The following ADGRE2 variants were observed in gnomAD, a reference collection of about 807,000 sequenced individuals.
The protein encoded by ADGRE2 is CD97 antigen.
Under a neutral mutation model 100.8 loss-of-function variants are expected in ADGRE2, and 83 were observed. That is an observed-to-expected ratio of 0.82 (90% CI 0.69 to 0.99). ADGRE2 has a LOEUF of 0.99. Among genes scored for constraint, ADGRE2 ranks in the 50% least tolerant of loss-of-function variants. The pLI, the probability that ADGRE2 is intolerant of heterozygous loss-of-function variation, is 0.00. For synonymous variants in ADGRE2, 355 were observed against 413.0 expected, an observed-to-expected ratio of 0.86 and a Z score of 1.70; for missense variants, 814 against 1,035.7, an observed-to-expected ratio of 0.79 and a Z score of 2.94.
At chr19:14,751,941 T>A (rs201032610) in intron 15 of ADGRE2, among the ~76,000 whole-genome samples, 159 of 50,368 alleles carry the variant, frequency 3.2e-3, no homozygotes, top group Non-Finnish European at 4.7e-3. Flanking sequence ...ATTTTTTTTT[T>A]TTTTTTTTTG....
rs1182641795 is a variant in ADGRE2, at chr19:14,766,258, C to T, written c.611G>A (p.Gly204Asp). The T allele has an allele frequency of 1.2e-6, 2 of 1,613,918 alleles. No individual in the cohort carries two copies. The highest frequency in any genetic ancestry group is 1.1e-5 in the South Asian group (1 of 91,034). The change falls in exon 7 of 21, where the codon GGC becomes GAC. Residue 204 changes from glycine to aspartate, a missense_variant. Around this residue, in one of 5 missense-constraint regions of ADGRE2, gnomAD observed 69 missense variants for 75.3 expected, o/e 0.92. Coordinates refer to ENST00000315576, the MANE Select transcript of ADGRE2 (RefSeq NM_013447.4). ...GWQPIPGSPNGPNNTVCEDVD... is the reference protein window; with the variant it reads ...GWQPIPGSPNDPNNTVCEDVD... ...ACCTTCACAGACGGTATTGTTTGGG[C>T]CATTGGGGGACCCCGGAATCGGTTG...
At chr19:14,726,788 C>T in the ADGRE2 span, among the ~76,000 whole-genome samples, 3 of 152,148 alleles carry the variant, frequency 2.0e-5, no homozygotes, top group African/African-American at 4.8e-5. Flanking sequence ...TCAGCCTGAC[C>T]TTCACTGTCC....
chr19:14,726,974 C>T, the ADGRE2 span, among the ~76,000 whole-genome samples: 915 of 148,146 alleles, frequency 6.2e-3, 2 homozygotes, highest in Non-Finnish European at 0.011. Flanking sequence ...CCTGTTCTTG[C>T]GTTGCTATAA....
intron 20 of ADGRE2, among the ~76,000 whole-genome samples, chr19:14,739,321 G>A (rs2042855677): frequency 6.6e-6 from 1 of 152,174 alleles, no homozygotes; most frequent in Non-Finnish European, 1.5e-5. Flanking sequence ...GGAAACAGTA[G>A]AAGATAAAAT....
chr19:14,746,778 A>C, intron 17 of ADGRE2, 118 bp downstream of exon 17: 1 of 902,694 alleles, frequency 1.1e-6, no homozygotes, highest in Non-Finnish European at 1.7e-6. Context: ...GTCTTAGGAA[A>C]CCTAACCCAA....
chr19:14,755,070 A>C lies in ADGRE2; in HGVS notation c.1474T>G (p.Cys492Gly). 1 of 1,614,006 alleles carries C rather than the reference A, an allele frequency of 6.2e-7. No individual in the cohort carries two copies. The change falls in exon 14 of 21, where the codon TGT becomes GGT. Residue 492 changes from cysteine (C) to glycine (G), a missense_variant. Cys to Gly is a radical substitution (Grantham distance 159). Transcript: ENST00000315576. ...CAGCCTGTGGTGGCCCAGTGACCAC[A>C]TCCATTCTGGCCATGCTCCCAGAAG... ...CVFWEHGQNGCGHWATTGCST... is the reference protein window; with the variant it reads ...CVFWEHGQNGGGHWATTGCST...
Position 14,764,455 on chromosome 19 carries a change from G to T in ADGRE2, c.1062C>A (p.Asn354Lys), listed in dbSNP as rs200502097. 2.5e-6 allele frequency: 4 copies of T among 1,613,148 alleles called. No individual in the cohort carries two copies. Among genetic ancestry groups the T allele is most frequent in the Middle Eastern group, 1.6e-4 (1 of 6,062 alleles). ...LSKNLSNGLL[N>K]FSYPAGTELS... The stretch of plus-strand genomic sequence containing the variant: ...TACCTGTGCCTGCAGGATAACTGAA[G>T]TTCAACAGCCCATTGGAAAGGTTCT... The change falls in exon 11 of 21, where the codon AAC becomes AAA. Residue 354 changes from asparagine (N) to lysine (K), a missense_variant. Coordinates refer to ENST00000315576, the MANE Select transcript of ADGRE2 (RefSeq NM_013447.4).
chr19:14,747,153 A>G (rs1461986483), intron 16 of ADGRE2, among the ~76,000 whole-genome samples, 191 bp from the exon 17 acceptor site: 1 of 152,060 alleles, frequency 6.6e-6, no homozygotes, highest in Non-Finnish European at 1.5e-5. Flanking sequence ...ACGGTCTTAG[A>G]TCCCCAAAAT....
In ADGRE2 at chr19:14,764,598, C is replaced by T; in HGVS notation, c.919G>A (p.Ala307Thr). The change falls in exon 11 of 21, where the codon GCG (alanine) becomes ACG (threonine). Residue 307 changes from alanine to threonine, a missense_variant. Physicochemically the swap from Ala to Thr is moderately conservative, Grantham distance 58. This residue lies in a region of ADGRE2 where 569 missense variants were observed against 692.7 expected (regional missense o/e 0.82). Transcript: ENST00000315576. ...GGGGCCTCCAGCAGCTCATCCAGCG[C>T]CTGTAAGATGCTCTGGAGGGATGTG... ...ANNTIQSILQ[A>T]LDELLEAPGD... is the part of the protein sequence containing the mutation. The T allele has an allele frequency of 6.2e-7, 1 of 1,611,906 alleles. No individual in the cohort carries two copies. Among genetic ancestry groups the T allele is most frequent in the Non-Finnish European group, 8.5e-7 (1 of 1,179,616 alleles).
rs943888346 is a variant in ADGRE2, at chr19:14,749,101, A to G, written c.2025-2139T>C. ...TTATAAGATCACATTATAATTATAT[A>G]ACCATATAATTAGCCATATATAACC... On this transcript the variant is annotated intron_variant, in intron 16 of 20. Coordinates refer to ENST00000315576, the MANE Select transcript of ADGRE2 (RefSeq NM_013447.4). Among the ~76,000 whole-genome samples, 18 of 150,982 alleles carry G rather than the reference A, an allele frequency of 1.2e-4. No individual in the cohort carries two copies. In the South Asian group the frequency reaches 3.8e-3, roughly 31 times the overall value.
Position 14,766,245 on chromosome 19 carries a change from G to A in ADGRE2, c.624C>T (p.Thr208=), listed in dbSNP as rs781283891. 2.4e-5 allele frequency: 38 copies of A among 1,613,884 alleles called. No individual in the cohort carries two copies. The East Asian group carries it at 6.2e-4, about 27-fold the overall frequency. The change falls in exon 7 of 21, where the codon ACC becomes ACT. Residue 208 remains threonine, a synonymous_variant. Transcript: ENST00000315576. ...ATCTGAGCTCTCGACCTTCACAGAC[G>A]GTATTGTTTGGGCCATTGGGGGACC... The part of the protein sequence containing the change: ...IPGSPNGPNN[T]VCEDVDECSS...
chr19:14,774,959 C>T (rs1247408779), intron 2 of ADGRE2, among the ~76,000 whole-genome samples: 2 of 149,800 alleles, frequency 1.3e-5, no homozygotes, highest in African/African-American at 2.5e-5. Flanking sequence ...CAGGTGTGAG[C>T]CACGGCTCCC....
rs2042702322 is a variant in ADGRE2 at position 14,733,762 on chromosome 19, TC to T, written c.*2473del. ...CATCAAGCCACTTTTTGTGTTTCTTTCCTCTTTCTTTAATTCTTACACTGAC... is the reference window on the plus strand; with the variant it reads ...CATCAAGCCACTTTTTGTGTTTCTTTCTCTTTCTTTAATTCTTACACTGAC... On this transcript the variant is annotated 3_prime_UTR_variant, in exon 21 of 21. Coordinates refer to ENST00000315576, the MANE Select transcript of ADGRE2 (RefSeq NM_013447.4). The T allele has an allele frequency of 6.6e-6, 1 of 152,222 alleles. No individual in the cohort carries two copies. The highest frequency in any genetic ancestry group is 1.5e-5 in the Non-Finnish European group (1 of 68,048). The allele number at this position is 152,222 out of a possible 1,614,324, so 9.4% of individuals were successfully genotyped here. A position where few individuals can be genotyped will look rare whatever the true frequency, so the allele number is the denominator to read the frequency against.
chr19:14,728,148 G>C (rs976351500), downstream of ADGRE2, among the ~76,000 whole-genome samples: 19 of 152,324 alleles, frequency 1.2e-4, no homozygotes, highest in Non-Finnish European at 2.8e-4. Context: ...GGGAAGCGGA[G>C]CTTGCAGTGA....
At chr19:14,743,388 G>A in intron 20 of ADGRE2, 32 bp downstream of exon 20, 1 of 1,582,754 alleles carries the variant, frequency 6.3e-7, no homozygotes, top group Non-Finnish European at 8.7e-7. Context: ...GGGTCGGTTA[G>A]TGAAGTGCTC....
intron 5 of ADGRE2, among the ~76,000 whole-genome samples, chr19:14,771,397 T>G (rs1387840372): frequency 6.6e-6 from 1 of 152,104 alleles, no homozygotes; most frequent in Admixed American, 6.6e-5. Flanking sequence ...CTTGCAGATG[T>G]CTGAAGCTCC....
rs1388692361 is a variant in ADGRE2 at position 14,765,442 on chromosome 19, G to A, written c.829-45C>T. 3.7e-6 allele frequency: 6 copies of A among 1,613,490 alleles called. No individual in the cohort carries two copies. In the African/African-American group the frequency reaches 5.3e-5, roughly 14 times the overall value. ...GGGGGTCAGAGAGCCTGGACGGCGGGTGGGAAGTTTAGAACAAGGAGACGG... is the reference window on the plus strand; with the variant it reads ...GGGGGTCAGAGAGCCTGGACGGCGGATGGGAAGTTTAGAACAAGGAGACGG... On this transcript the variant is annotated intron_variant, in intron 9 of 20. Transcript: ENST00000315576.
chr19:14,742,586 G>A (rs1032945835), intron 20 of ADGRE2, among the ~76,000 whole-genome samples: 3 of 152,164 alleles, frequency 2.0e-5, no homozygotes, highest in African/African-American at 4.8e-5. Context: ...CTGAGTAGAG[G>A]CACTGCCCAC....
chr19:14,756,764 C>T (rs1208287909), intron 11 of ADGRE2, among the ~76,000 whole-genome samples: 1 of 152,130 alleles, frequency 6.6e-6, no homozygotes, highest in Non-Finnish European at 1.5e-5. Context: ...TCTAATATTG[C>T]TCTGATAACA....
Sources: allele counts gnomAD v4.1 joint callset (sites outside exome capture counted in the v4.1 genomes callset), GRCh38; gene constraint gnomAD v4.1.1; regional missense constraint gnomAD v4.1.1; transcripts MANE v1.5; gene names NCBI Gene and HGNC (gene_info 2026-07-23, HGNC 2026-07-21).